Variants in CAB39 observed in about 807,000 individuals in gnomAD.
CAB39 encodes the protein calcium-binding protein 39.
CAB39 carries 8 observed loss-of-function variants against 40.0 expected under a neutral mutation model. The ratio of observed to expected loss-of-function variants is 0.20; its 90% CI spans 0.12 to 0.36. CAB39 has a LOEUF of 0.36. Among genes scored for constraint, CAB39 ranks in the 10% least tolerant of loss-of-function variants. The pLI is 1.00. For missense variants in CAB39, 270 were observed against 401.1 expected (o/e 0.67, Z 2.79); for synonymous variants, 156 against 141.6 (o/e 1.10, Z -0.72).
intron 1 of CAB39, among the ~76,000 whole-genome samples, chr2:230,754,459 C>G (rs182815364): frequency 7.7e-4 from 114 of 148,864 alleles, no homozygotes; most frequent in Non-Finnish European, 1.3e-3. Flanking sequence ...TCCCCTTTCC[C>G]TCCTTCTTCC....
chr2:230,737,982 C>T (rs993000685), intron 1 of CAB39, among the ~76,000 whole-genome samples: 3 of 152,264 alleles, frequency 2.0e-5, no homozygotes, highest in African/African-American at 4.8e-5. Context: ...CTTTTTCACC[C>T]GATACTTTAT....
At chr2:230,732,962 A>G (rs1694720823) in intron 1 of CAB39, among the ~76,000 whole-genome samples, 1 of 152,234 alleles carries the variant, frequency 6.6e-6, no homozygotes. Context: ...ATCACTGACA[A>G]TTAAAAAAAA....
intron 1 of CAB39, among the ~76,000 whole-genome samples, chr2:230,740,243 C>T (rs1378094806): frequency 6.6e-6 from 1 of 152,144 alleles, no homozygotes; most frequent in African/African-American, 2.4e-5. Context: ...TATTGGAAAG[C>T]TCCAGTACTC....
intron 1 of CAB39, among the ~76,000 whole-genome samples, chr2:230,751,708 T>G (rs1695088449): frequency 1.3e-5 from 2 of 152,184 alleles, no homozygotes; most frequent in Admixed American, 1.3e-4. Context: ...TGATTTGATG[T>G]CTTTGTTCTT....
chr2:230,781,596 GT>G (rs1330966297), intron 2 of CAB39, among the ~76,000 whole-genome samples: 2 of 152,188 alleles, frequency 1.3e-5, no homozygotes, highest in African/African-American at 4.8e-5. Flanking sequence ...GTCATTAAGG[GT>G]TCAGTGGATT....
intron 2 of CAB39, among the ~76,000 whole-genome samples, chr2:230,769,646 C>T (rs1280231915): frequency 8.5e-5 from 13 of 152,066 alleles, no homozygotes; most frequent in Admixed American, 4.6e-4. Context: ...AACTAAATAT[C>T]GTACTTCTAG....
chr2:230,766,828 G>C (rs990643221), intron 2 of CAB39, among the ~76,000 whole-genome samples: 1 of 152,212 alleles, frequency 6.6e-6, no homozygotes, highest in African/African-American at 2.4e-5. Context: ...TGCCTGGCCT[G>C]GGGGTTACAT....
At chr2:230,743,581 G>C (rs1358291520) in intron 1 of CAB39, among the ~76,000 whole-genome samples, 1 of 152,188 alleles carries the variant, frequency 6.6e-6, no homozygotes, top group Non-Finnish European at 1.5e-5. Flanking sequence ...ACATAAGGAT[G>C]TAGACCTTAA....
chr2:230,796,115 C>T lies in CAB39; in HGVS notation c.399-2614C>T, dbSNP rs372216756. Among the ~76,000 whole-genome samples the T allele has an allele frequency of 9.9e-5, 15 of 152,278 alleles. No individual in the cohort carries two copies. The East Asian group carries it at 2.5e-3, about 25-fold the overall frequency. Reference sequence around the variant, plus strand: ...TCTGGCGTAGGATGACCATCTTGCTCATTTTGTACGAGTCCTGCCAGACCT... The same window carrying T: ...TCTGGCGTAGGATGACCATCTTGCTTATTTTGTACGAGTCCTGCCAGACCT... On this transcript the variant is annotated intron_variant, in intron 4 of 8. Transcript: ENST00000258418.
intron 5 of CAB39, 95 bp from the exon 6 acceptor site, chr2:230,810,167 CA>C (rs1443232040): frequency 5.3e-5 from 32 of 599,150 alleles, no homozygotes; most frequent in East Asian, 1.3e-4. Flanking sequence ...TGATTTTTAA[CA>C]ACAGTTTTTA....
rs71052549 is a variant in CAB39, at chr2:230,773,314, A to ATGTGTGTGTGTGTGTGTGTG, written c.114+13215_114+13234dup. Reference sequence around the variant, plus strand: ...GGTGTATGTGTATATATATATATATATGTGTGTGTGTGTGTGTGTGTGTGT... The same window carrying ATGTGTGTGTGTGTGTGTGTG: ...GGTGTATGTGTATATATATATATATATGTGTGTGTGTGTGTGTGTGTGTGTGTGTGTGTGTGTGTGTGTGT... On this transcript the variant is annotated intron_variant, in intron 2 of 8. Transcript: ENST00000258418. 4.1e-4 allele frequency among the ~76,000 whole-genome samples: 55 copies of ATGTGTGTGTGTGTGTGTGTG among 132,680 alleles called. 1 individual carries two copies. The highest frequency in any genetic ancestry group is 1.9e-3 in the South Asian group (8 of 4,140). 87.0% of individuals were successfully genotyped at this position (132,680 alleles called of 152,430 possible).
At chr2:230,743,688 T>C (rs548662447) in intron 1 of CAB39, among the ~76,000 whole-genome samples, 2 of 152,302 alleles carry the variant, frequency 1.3e-5, no homozygotes, top group East Asian at 3.9e-4. Flanking sequence ...AGTACTCGCT[T>C]TGATGGCAGC....
At chr2:230,720,829 T>A (rs1264531852) in intron 1 of CAB39, among the ~76,000 whole-genome samples, 4 of 152,174 alleles carry the variant, frequency 2.6e-5, no homozygotes, top group African/African-American at 9.7e-5. Flanking sequence ...AGCCAGTTCA[T>A]TTACTTTTAG....
rs571168991 is a variant in CAB39, at chr2:230,725,154, C to T, written c.-44+11924C>T. On this transcript the variant is annotated intron_variant, in intron 1 of 8. Coordinates refer to ENST00000258418, the MANE Select transcript of CAB39 (RefSeq NM_016289.4). Reference sequence around the variant, plus strand: ...CTTCCCAGAGAGCATCACAAGAAGGCGTCGCACCACTCTCGAAGGCAGTCC... The same window carrying T: ...CTTCCCAGAGAGCATCACAAGAAGGTGTCGCACCACTCTCGAAGGCAGTCC... 19 of 1,613,260 alleles carry T rather than the reference C, an allele frequency of 1.2e-5. No individual in the cohort carries two copies. In the South Asian group the frequency reaches 1.5e-4, roughly 13 times the overall value.
chr2:230,733,189 G>A (rs777027915), intron 1 of CAB39, among the ~76,000 whole-genome samples: 2 of 152,200 alleles, frequency 1.3e-5, no homozygotes, highest in Non-Finnish European at 2.9e-5. Context: ...ATTTATGCCT[G>A]TTGTCCTGAT....
chr2:230,817,069 A>G (rs1254296729), intron 7 of CAB39, among the ~76,000 whole-genome samples: 2 of 152,232 alleles, frequency 1.3e-5, no homozygotes, highest in African/African-American at 4.8e-5. Context: ...ATGAGTTTAT[A>G]TGATATAACC....
At chr2:230,809,231 G>A (rs151063464) in intron 5 of CAB39, among the ~76,000 whole-genome samples, 49 of 152,232 alleles carry the variant, frequency 3.2e-4, no homozygotes, top group Non-Finnish European at 6.0e-4. Context: ...CACTTCCCTC[G>A]TTTGCTTGAC....
rs6712097 is a variant in CAB39 at position 230,817,661 on chromosome 2, C to G, written c.694-93C>G. 1.3e-4 allele frequency: 128 copies of G among 1,012,216 alleles called. 1 individual carries two copies. In the African/African-American group the frequency reaches 1.9e-3, roughly 15 times the overall value. 62.7% of individuals were successfully genotyped at this position (1,012,216 alleles called of 1,614,324 possible). ...GGTCTTTTGAGTGCCTACTAATACT[C>G]TATACTTGATGATTATAAAATAAAT... is the stretch of plus-strand genomic sequence containing the variant. On this transcript the variant is annotated intron_variant, in intron 7 of 8. Coordinates refer to ENST00000258418, the MANE Select transcript of CAB39 (RefSeq NM_016289.4).
Position 230,777,361 on chromosome 2 carries a change from TG to T in CAB39, c.115-13510del, listed in dbSNP as rs1351654277. Among the ~76,000 whole-genome samples the T allele has an allele frequency of 6.8e-3, 1,023 of 149,822 alleles. 17 individuals are homozygous for T. The highest frequency in any genetic ancestry group is 0.023 in the African/African-American group (951 of 40,476). ...CTCTGTAACCTGTTGGTGTTTTTTTTGTTTTTTTTTTTTTAATTTTAAATTT... is the reference window on the plus strand; with the variant it reads ...CTCTGTAACCTGTTGGTGTTTTTTTTTTTTTTTTTTTTTAATTTTAAATTT... On this transcript the variant is annotated intron_variant, in intron 2 of 8. Transcript: ENST00000258418.
Sources: allele counts gnomAD v4.1 joint callset (sites outside exome capture counted in the v4.1 genomes callset), GRCh38; gene constraint gnomAD v4.1.1; transcripts MANE v1.5; gene names NCBI Gene and HGNC (gene_info 2026-07-23, HGNC 2026-07-21).